CDH13: variants seen among roughly 807,000 people sequenced by gnomAD.
CDH13 encodes the protein cadherin 13.
In CDH13, 24 loss-of-function variants were observed where a neutral mutation model predicts 63.8. The observed-to-expected ratio is 0.38, with a 90% confidence interval of 0.27 to 0.53. The LOEUF (loss-of-function observed/expected upper bound fraction) is 0.53, where lower values mean the gene tolerates loss of function less well. CDH13 is among the 20% of genes least tolerant of loss of function. The pLI is 0.85. For missense variants in CDH13, 1,049 were observed against 903.1 expected (o/e 1.16, Z -2.07); for synonymous variants, 503 against 355.3 (o/e 1.42, Z -4.67).
chr16:82,992,555 G>A (rs574101277), intron 2 of CDH13, among the ~76,000 whole-genome samples: 1 of 152,174 alleles, frequency 6.6e-6, no homozygotes, highest in African/African-American at 2.4e-5. Flanking sequence ...GAATTCTGCA[G>A]TGTTCTGGAA....
At chr16:82,929,989 C>T (rs1217710408) in intron 2 of CDH13, among the ~76,000 whole-genome samples, 2 of 150,872 alleles carry the variant, frequency 1.3e-5, no homozygotes, top group Non-Finnish European at 2.9e-5. Context: ...AGTCATATTC[C>T]ACAAGGGAAA....
intron 3 of CDH13, among the ~76,000 whole-genome samples, chr16:83,073,424 AAT>A (rs936780824): frequency 6.6e-6 from 1 of 151,082 alleles, no homozygotes; most frequent in Non-Finnish European, 1.5e-5. Context: ...TATTAAACAG[AAT>A]ATTGGAATCT....
intron 5 of CDH13, among the ~76,000 whole-genome samples, chr16:83,260,949 C>T (rs1359535692): frequency 6.6e-6 from 1 of 151,976 alleles, no homozygotes; most frequent in Non-Finnish European, 1.5e-5. Context: ...CGGGGGAGCT[C>T]TGGGCTTTGG....
chr16:82,847,895 C>CTTTTT (rs33934390), intron 1 of CDH13, among the ~76,000 whole-genome samples: 4 of 140,106 alleles, frequency 2.9e-5, no homozygotes, highest in Admixed American at 7.1e-5. Context: ...TTGTGCTTCA[C>CTTTTT]TTTTTTTTTT....
rs548014990 is a variant in CDH13, at chr16:83,021,707, T to C, written c.158-10303T>C. ...TGGAATTAAGACTGTTTTATGTTTG[T>C]TCTGCACTTACCAAATTCTATAAAG... On this transcript the variant is annotated intron_variant, in intron 2 of 13. Coordinates refer to ENST00000567109, the MANE Select transcript of CDH13 (RefSeq NM_001257.5). Among the ~76,000 whole-genome samples the C allele has an allele frequency of 5.9e-5, 9 of 152,348 alleles. No individual in the cohort carries two copies. In the South Asian group the frequency reaches 1.9e-3, roughly 32 times the overall value.
At chr16:83,601,345 G>A (rs932027342) in intron 7 of CDH13, among the ~76,000 whole-genome samples, 1 of 152,146 alleles carries the variant, frequency 6.6e-6, no homozygotes, top group Admixed American at 6.5e-5. Flanking sequence ...TAGGATCAGG[G>A]CTATTTGGCT....
At chr16:82,858,839 T>A (rs2039812174) in intron 2 of CDH13, 1 of 313,368 alleles carries the variant, frequency 3.2e-6, no homozygotes, top group Non-Finnish European at 5.9e-6. Flanking sequence ...CTGTTCTACC[T>A]GTAGTTTCTC....
chr16:83,057,179 A>G (rs899490219), intron 3 of CDH13, among the ~76,000 whole-genome samples: 6 of 152,082 alleles, frequency 3.9e-5, no homozygotes, highest in Admixed American at 6.6e-5. Context: ...GTTGGCCAGG[A>G]TGGTCTTGAT....
At chr16:82,801,623 A>T (rs2036859224) in intron 1 of CDH13, among the ~76,000 whole-genome samples, 1 of 152,206 alleles carries the variant, frequency 6.6e-6, no homozygotes, top group Admixed American at 6.5e-5. Flanking sequence ...AAATTCTGAA[A>T]TTAGTCATTG....
At chr16:82,804,648 A>G (rs2151167026) in intron 1 of CDH13, among the ~76,000 whole-genome samples, 1 of 152,254 alleles carries the variant, frequency 6.6e-6, no homozygotes, top group Admixed American at 6.5e-5. Context: ...GAGACACTGT[A>G]TGTATGAAAC....
chr16:82,909,252 ATGTGTGTGTGTG>A (rs10527714), intron 2 of CDH13, among the ~76,000 whole-genome samples: 28 of 146,948 alleles, frequency 1.9e-4, no homozygotes, highest in Admixed American at 5.4e-4. Flanking sequence ...CTGACTGTAT[ATGTGTGTGTGTG>A]TGTGTGTGTG....
At chr16:83,141,979 A>C (rs2036548457) in intron 4 of CDH13, among the ~76,000 whole-genome samples, 2 of 152,146 alleles carry the variant, frequency 1.3e-5, no homozygotes, top group East Asian at 3.9e-4. Flanking sequence ...GTCTTTGAAT[A>C]GGAAAGCACT....
intron 1 of CDH13, among the ~76,000 whole-genome samples, chr16:82,709,284 A>G (rs1330513524): frequency 1.3e-5 from 2 of 152,240 alleles, no homozygotes; most frequent in African/African-American, 4.8e-5. Context: ...AAGAAAAAGA[A>G]AAAAATTCTG....
At chr16:83,335,827 C>G (rs1340484629) in intron 5 of CDH13, among the ~76,000 whole-genome samples, 1 of 152,102 alleles carries the variant, frequency 6.6e-6, no homozygotes, top group Non-Finnish European at 1.5e-5. Flanking sequence ...CTCACGTGCA[C>G]CCCCTTAGAG....
chr16:83,212,824 G>T (rs1489196944), intron 4 of CDH13, among the ~76,000 whole-genome samples: 1 of 152,180 alleles, frequency 6.6e-6, no homozygotes, highest in Non-Finnish European at 1.5e-5. Flanking sequence ...AGGCTTGGGG[G>T]AAGCCTGGGA....
intron 8 of CDH13, among the ~76,000 whole-genome samples, chr16:83,657,097 T>C (rs559178742): frequency 1.3e-5 from 2 of 152,350 alleles, no homozygotes; most frequent in Admixed American, 1.3e-4. Flanking sequence ...GAATAAGATC[T>C]CAGCCCTGCA....
At chr16:83,777,164 T>G (rs985378648) in intron 11 of CDH13, among the ~76,000 whole-genome samples, 2 of 152,188 alleles carry the variant, frequency 1.3e-5, no homozygotes, top group Non-Finnish European at 2.9e-5. Context: ...GTCTCACATT[T>G]CCTATCAATC....
intron 11 of CDH13, among the ~76,000 whole-genome samples, chr16:83,754,013 G>C (rs976657327): frequency 6.6e-6 from 1 of 151,864 alleles, no homozygotes; most frequent in South Asian, 2.1e-4. Flanking sequence ...CCCATGCAGA[G>C]AGCCTAGGAT....
At chr16:82,998,465 G>C (rs1438027229) in intron 2 of CDH13, among the ~76,000 whole-genome samples, 4 of 152,092 alleles carry the variant, frequency 2.6e-5, no homozygotes, top group Non-Finnish European at 5.9e-5. Context: ...TGGACAGCCT[G>C]TCCTCTTGGT....
Sources: gnomAD v4.1 joint callset for allele counts (sites outside exome capture counted in the v4.1 genomes callset) on GRCh38, gnomAD v4.1.1 for gene constraint, MANE v1.5 for transcripts, NCBI Gene and HGNC (gene_info 2026-07-23, HGNC 2026-07-21) for gene names.